Variants in SDK1 observed in about 807,000 individuals in gnomAD.
The protein encoded by SDK1 is protein sidekick-1.
SDK1 carries 157 observed loss-of-function variants against 245.5 expected under a neutral mutation model. That is an observed-to-expected ratio of 0.64 (90% confidence interval 0.56 to 0.73). The LOEUF (loss-of-function observed/expected upper bound fraction) is 0.73. Ranked by LOEUF, SDK1 falls within the 30% of genes least tolerant of loss-of-function variation. The pLI, the probability that SDK1 is intolerant of heterozygous loss-of-function variation, is 0.00. For missense variants in SDK1, 3,583 were observed against 3,002.3 expected, an observed-to-expected ratio of 1.19 and a Z score of -4.52; for synonymous variants, 1,647 against 1,278.5, an observed-to-expected ratio of 1.29 and a Z score of -6.15.
chr7:3,559,793 A>T lies in SDK1; in HGVS notation c.299-59287A>T, dbSNP rs1287968153. 4.6e-5 allele frequency among the ~76,000 whole-genome samples: 7 copies of T among 152,050 alleles called. No homozygotes were observed. In the East Asian group the frequency reaches 1.2e-3, roughly 25 times the overall value. ...AAAAAACACAAAAATCTAAACGGAA[A>T]CAAGCACAGATGAACTTAATGTCAG... On this transcript the variant is annotated intron_variant, in intron 1 of 44. Transcript: ENST00000404826.
intron 30 of SDK1, among the ~76,000 whole-genome samples, chr7:4,157,809 G>A (rs1780862546): frequency 6.6e-6 from 1 of 152,130 alleles, no homozygotes; most frequent in Non-Finnish European, 1.5e-5. Flanking sequence ...CACTTGCCAA[G>A]CGCCTGGCAC....
intron 1 of SDK1, among the ~76,000 whole-genome samples, chr7:3,464,684 C>G (rs1780935877): frequency 6.9e-6 from 1 of 144,662 alleles, no homozygotes; most frequent in East Asian, 2.0e-4. Context: ...TATTCCCGTT[C>G]ATTGTGTATG....
intron 1 of SDK1, among the ~76,000 whole-genome samples, chr7:3,325,755 C>G (rs1377331893): frequency 6.6e-6 from 1 of 152,090 alleles, no homozygotes; most frequent in Non-Finnish European, 1.5e-5. Context: ...AAATTTTTTA[C>G]AAATTACATA....
intron 4 of SDK1, among the ~76,000 whole-genome samples, chr7:3,731,076 T>G (rs978520225): frequency 3.3e-5 from 5 of 152,172 alleles, no homozygotes; most frequent in African/African-American, 1.2e-4. Flanking sequence ...GAATAACTTT[T>G]TGTGATTTGT....
intron 4 of SDK1, among the ~76,000 whole-genome samples, chr7:3,661,588 A>G (rs1472338739): frequency 6.6e-6 from 1 of 152,228 alleles, no homozygotes; most frequent in East Asian, 1.9e-4. Context: ...TTTGAAAAGC[A>G]TCTACTGATT....
In SDK1 at chr7:3,699,553, A is replaced by T. The variant is rs563946937; in HGVS notation, c.713+57448A>T. Among the ~76,000 whole-genome samples the T allele has an allele frequency of 1.1e-3, 167 of 152,308 alleles. 1 individual carries two copies. The highest frequency in any genetic ancestry group is 3.6e-3 in the African/African-American group (149 of 41,584). ...AGAGGACAGGGAAAAGAATCCGTGA[A>T]CTTGAAGATAAAAAAAATAGAAAAT... On this transcript the variant is annotated intron_variant, in intron 4 of 44. Transcript: ENST00000404826.
At chr7:3,394,321 G>T (rs1272157908) in intron 1 of SDK1, among the ~76,000 whole-genome samples, 1 of 152,012 alleles carries the variant, frequency 6.6e-6, no homozygotes, top group Non-Finnish European at 1.5e-5. Flanking sequence ...TATTGCCTTG[G>T]CATGTTTGTT....
intron 1 of SDK1, among the ~76,000 whole-genome samples, chr7:3,547,009 G>A (rs1002942767): frequency 6.6e-6 from 1 of 152,038 alleles, no homozygotes; most frequent in African/African-American, 2.4e-5. Context: ...AAAATCTCAA[G>A]GAATTTTTAA....
chr7:4,013,400 C>T lies in SDK1; in HGVS notation c.2420+1165C>T, dbSNP rs77265066. Among the ~76,000 whole-genome samples, 1,274 of 152,300 alleles carry T rather than the reference C, an allele frequency of 8.4e-3. 19 individuals carry two copies. The highest frequency in any genetic ancestry group is 0.029 in the African/African-American group (1,207 of 41,552). On this transcript the variant is annotated intron_variant, in intron 16 of 44. Transcript: ENST00000404826. ...ACTGTGGACATATTTGTTCATTTTA[C>T]CAGTGATATTGGGACAAGAACAGTG...
chr7:3,663,788 G>A (rs367645819), intron 4 of SDK1, among the ~76,000 whole-genome samples: 17 of 152,260 alleles, frequency 1.1e-4, no homozygotes, highest in Admixed American at 4.6e-4. Context: ...ACATCTAAAA[G>A]GAAGTATGGA....
chr7:3,805,124 A>G (rs1219232298), intron 4 of SDK1, among the ~76,000 whole-genome samples: 2 of 152,254 alleles, frequency 1.3e-5, no homozygotes, highest in Non-Finnish European at 2.9e-5. Context: ...GTTGGACACC[A>G]TAAGTACATA....
intron 1 of SDK1, among the ~76,000 whole-genome samples, chr7:3,380,386 A>G (rs1781456333): frequency 6.6e-6 from 1 of 152,230 alleles, no homozygotes; most frequent in Non-Finnish European, 1.5e-5. Flanking sequence ...GAGACTTAAA[A>G]TCTTTGTCTC....
At chr7:3,943,728 T>G (rs1195103829) in intron 5 of SDK1, among the ~76,000 whole-genome samples, 4 of 152,066 alleles carry the variant, frequency 2.6e-5, no homozygotes, top group Non-Finnish European at 4.4e-5. Context: ...TTTTTCTGTT[T>G]CAGAGACTTG....
At chr7:3,410,494 C>G (rs1779170111) in intron 1 of SDK1, among the ~76,000 whole-genome samples, 3 of 149,700 alleles carry the variant, frequency 2.0e-5, no homozygotes, top group Non-Finnish European at 4.4e-5. Flanking sequence ...GTGTACACAT[C>G]TTATATGGGG....
At chr7:4,029,099 G>GGGGA (rs1405092427) in intron 17 of SDK1, among the ~76,000 whole-genome samples, 2 of 127,608 alleles carry the variant, frequency 1.6e-5, no homozygotes, top group Non-Finnish European at 3.3e-5. Flanking sequence ...CTTTTCCGAG[G>GGGGA]TGGGTGGGGG....
intron 8 of SDK1, 107 bp from the exon 9 acceptor site, chr7:3,962,550 G>T (rs773946309): frequency 1.1e-5 from 11 of 1,008,920 alleles, no homozygotes; most frequent in East Asian, 2.7e-5. Context: ...GAATACACAA[G>T]AAAATGCCTA....
intron 8 of SDK1, among the ~76,000 whole-genome samples, chr7:3,962,053 G>A (rs550063007): frequency 2.6e-5 from 4 of 151,778 alleles, no homozygotes; most frequent in East Asian, 1.9e-4. Flanking sequence ...ACATGTACAC[G>A]TGCACACACT....
chr7:3,859,798 C>A (rs183422519), intron 5 of SDK1, among the ~76,000 whole-genome samples: 1 of 152,194 alleles, frequency 6.6e-6, no homozygotes, highest in African/African-American at 2.4e-5. Context: ...TTCTCCAGAT[C>A]CATTGCAAAT....
At chr7:3,568,242 T>G (rs531850223) in intron 1 of SDK1, among the ~76,000 whole-genome samples, 2 of 152,356 alleles carry the variant, frequency 1.3e-5, no homozygotes, top group African/African-American at 2.4e-5. Context: ...ATGCATTTAA[T>G]AAATGCATAA....
Sources: gnomAD v4.1 joint callset for allele counts (sites outside exome capture counted in the v4.1 genomes callset) on GRCh38, gnomAD v4.1.1 for gene constraint, MANE v1.5 for transcripts, NCBI Gene and HGNC (gene_info 2026-07-23, HGNC 2026-07-21) for gene names.